The following RHPN2 variants were observed in gnomAD, a reference collection of about 807,000 sequenced individuals.
RHPN2 encodes rhophilin Rho GTPase binding protein 2, also known as rhophilin-2.
Under a neutral mutation model 79.0 loss-of-function variants are expected in RHPN2, and 40 were observed. The observed-to-expected ratio is 0.51, with a 90% CI of 0.39 to 0.66. The LOEUF is 0.66. RHPN2 is among the 30% of genes least tolerant of loss of function. The pLI is 0.00. For synonymous variants in RHPN2, 285 were observed against 363.5 expected (o/e 0.78, Z 2.46); for missense variants, 686 against 883.5 (o/e 0.78, Z 2.83).
At chr19:33,010,390 T>TA (rs1010095560) in intron 6 of RHPN2, among the ~76,000 whole-genome samples, 1 of 151,164 alleles carries the variant, frequency 6.6e-6, no homozygotes, top group African/African-American at 2.4e-5. Flanking sequence ...AGGTTGTTTT[T>TA]TTTTTTTTTT....
rs1568306775 is a variant in RHPN2 at position 32,979,712 on chromosome 19, A to G, written c.*284T>C. On this transcript the variant is annotated 3_prime_UTR_variant, in exon 15 of 15. Coordinates refer to ENST00000254260, the MANE Select transcript of RHPN2 (RefSeq NM_033103.5). The stretch of plus-strand genomic sequence containing the variant: ...AAAAGTCATAATTGTCACCATTAAA[A>G]ATAGCCATATTTCATATCTTCAACA... 2.5e-6 allele frequency: 1 copy of G among 400,182 alleles called. No homozygotes were observed. Among genetic ancestry groups the G allele is most frequent in the Non-Finnish European group, 4.5e-6 (1 of 220,302 alleles). The allele number at this position is 400,182 out of a possible 1,614,324, so 24.8% of individuals were successfully genotyped here.
chr19:33,007,451 C>T lies in RHPN2; in HGVS notation c.760+563G>A, dbSNP rs972978032. 5.3e-5 allele frequency among the ~76,000 whole-genome samples: 8 copies of T among 151,908 alleles called. No homozygotes were observed. The East Asian group carries it at 7.7e-4, about 15-fold the overall frequency. ...GCAGTGAGCCGAGACCATGCCACTG[C>T]GCTCCAGCCTGTGCAACAAGAGCAA... On this transcript the variant is annotated intron_variant, in intron 7 of 14. Coordinates refer to ENST00000254260, the MANE Select transcript of RHPN2 (RefSeq NM_033103.5).
At chr19:33,027,752 C>CA (rs1427978272) in intron 2 of RHPN2, among the ~76,000 whole-genome samples, 1 of 151,552 alleles carries the variant, frequency 6.6e-6, no homozygotes, top group Non-Finnish European at 1.5e-5. Flanking sequence ...GAATAAAGGA[C>CA]AAAAAAACAC....
intron 2 of RHPN2, among the ~76,000 whole-genome samples, chr19:33,038,512 G>C (rs573153512): frequency 6.6e-6 from 1 of 151,836 alleles, no homozygotes; most frequent in African/African-American, 2.4e-5. Context: ...ATTTTGAGAC[G>C]GAGTCTCGCT....
chr19:32,991,786 C>A (rs1382186906), intron 13 of RHPN2, 37 bp downstream of exon 13: 2 of 1,613,716 alleles, frequency 1.2e-6, no homozygotes, highest in Non-Finnish European at 1.7e-6. Flanking sequence ...ACCCAGATAT[C>A]TGTGTTTGCT....
intron 14 of RHPN2, among the ~76,000 whole-genome samples, chr19:32,986,473 T>C (rs577314781): frequency 2.0e-5 from 3 of 152,290 alleles, no homozygotes; most frequent in African/African-American, 7.2e-5. Flanking sequence ...CCCAAGATGC[T>C]CTGAGTCCCT....
intron 2 of RHPN2, among the ~76,000 whole-genome samples, chr19:33,039,321 C>G (rs1465619727): frequency 6.6e-6 from 1 of 152,076 alleles, no homozygotes; most frequent in East Asian, 1.9e-4. Flanking sequence ...GCCTGCAAAC[C>G]CCACCACAGA....
intron 3 of RHPN2, among the ~76,000 whole-genome samples, chr19:33,023,843 G>A (rs573218637): frequency 6.6e-6 from 1 of 151,678 alleles, no homozygotes; most frequent in Non-Finnish European, 1.5e-5. Context: ...AATGCATGGT[G>A]CCGTGTTGAA....
At chr19:32,983,328 T>G (rs113066557) in intron 14 of RHPN2, among the ~76,000 whole-genome samples, 1 of 151,836 alleles carries the variant, frequency 6.6e-6, no homozygotes, top group African/African-American at 2.4e-5. Context: ...GGGGCTAACA[T>G]GGTGAAACCC....
intron 2 of RHPN2, among the ~76,000 whole-genome samples, chr19:33,030,548 G>A (rs931262522): frequency 3.9e-5 from 6 of 151,960 alleles, no homozygotes; most frequent in Admixed American, 6.6e-5. Context: ...AGCTGAGAGC[G>A]CACCACTGCA....
intron 10 of RHPN2, 28 bp from the exon 11 acceptor site, chr19:32,996,248 A>G (rs772586873): frequency 6.2e-7 from 1 of 1,613,706 alleles, no homozygotes; most frequent in Non-Finnish European, 8.5e-7. Flanking sequence ...CACCCACGTG[A>G]CTTGCAGATC....
intron 3 of RHPN2, among the ~76,000 whole-genome samples, chr19:33,023,442 AAAAAAAAAAAG>A (rs1971940616): frequency 6.7e-6 from 1 of 149,158 alleles, no homozygotes; most frequent in African/African-American, 2.5e-5. Context: ...CTCAGGAAAA[AAAAAAAAAAAG>A]AAAAAAAAAA....
chr19:33,022,700 AG>A (rs1971934635), intron 3 of RHPN2, among the ~76,000 whole-genome samples: 1 of 152,176 alleles, frequency 6.6e-6, no homozygotes, highest in African/African-American at 2.4e-5. Context: ...TTTGCAAACA[AG>A]GATTTAGCTC....
chr19:33,011,036 C>T (rs763695160), intron 6 of RHPN2, among the ~76,000 whole-genome samples: 2 of 152,142 alleles, frequency 1.3e-5, no homozygotes, highest in Non-Finnish European at 2.9e-5. Context: ...GGTCTACGGC[C>T]ATACCACCCT....
chr19:33,023,791 A>AAAAAAAAAAG (rs1211609197), intron 3 of RHPN2, among the ~76,000 whole-genome samples: 2 of 151,518 alleles, frequency 1.3e-5, no homozygotes, highest in African/African-American at 4.9e-5. Flanking sequence ...TCTCAAAAAA[A>AAAAAAAAAAG]AAAAAAAAGA....
chr19:33,063,343 C>T (rs965118003), intron 1 of RHPN2, among the ~76,000 whole-genome samples: 2 of 152,026 alleles, frequency 1.3e-5, no homozygotes, highest in Non-Finnish European at 2.9e-5. Flanking sequence ...CTGTCCTGCC[C>T]AGGGCTCCTC....
intron 1 of RHPN2, among the ~76,000 whole-genome samples, chr19:33,061,279 G>A (rs1194055372): frequency 1.4e-5 from 2 of 147,094 alleles, no homozygotes; most frequent in African/African-American, 5.0e-5. Context: ...CCCAGGCAGT[G>A]GCGCAATCTC....
chr19:32,986,309 G>T (rs1008478519), intron 14 of RHPN2, among the ~76,000 whole-genome samples: 1 of 152,172 alleles, frequency 6.6e-6, no homozygotes, highest in African/African-American at 2.4e-5. Flanking sequence ...CTGCTGATGG[G>T]GTCCCTACTC....
chr19:33,007,038 A>C (rs1055215831), intron 7 of RHPN2, among the ~76,000 whole-genome samples: 1 of 148,206 alleles, frequency 6.7e-6, no homozygotes, highest in African/African-American at 2.5e-5. Context: ...GCAAGACTCT[A>C]TCTCAAAATA....
Sources: gnomAD v4.1 joint callset for allele counts (sites outside exome capture counted in the v4.1 genomes callset) on GRCh38, gnomAD v4.1.1 for gene constraint, MANE v1.5 for transcripts, NCBI Gene and HGNC (gene_info 2026-07-23, HGNC 2026-07-21) for gene names.